ANTXRL: variants seen among roughly 807,000 people sequenced by gnomAD.
The protein encoded by ANTXRL is ANTXR like.
Under a neutral mutation model 75.4 loss-of-function variants are expected in ANTXRL, and 63 were observed. The observed-to-expected ratio is 0.84, with a 90% CI of 0.68 to 1.03. The LOEUF is 1.03. Among genes scored for constraint, ANTXRL ranks in the 50% least tolerant of loss-of-function variants. ANTXRL has a pLI of 0.00. For synonymous variants in ANTXRL, 335 were observed against 291.3 expected (o/e 1.15, Z -1.53); for missense variants, 797 against 789.4 (o/e 1.01, Z -0.12).
At chr10:46,320,241 T>C (rs1374925635) in intron 16 of ANTXRL, among the ~76,000 whole-genome samples, 1 of 152,198 alleles carries the variant, frequency 6.6e-6, no homozygotes, top group Non-Finnish European at 1.5e-5. Context: ...GGGCTCACTC[T>C]TGCTGGTAGT....
intron 16 of ANTXRL, among the ~76,000 whole-genome samples, chr10:46,324,566 C>T (rs1199924760): frequency 1.3e-5 from 2 of 152,116 alleles, no homozygotes; most frequent in South Asian, 2.1e-4. Context: ...AAATCTCCTA[C>T]AATTGTTGAG....
At chr10:46,326,196 G>C (rs1342908777) in intron 16 of ANTXRL, among the ~76,000 whole-genome samples, 3 of 152,012 alleles carry the variant, frequency 2.0e-5, no homozygotes, top group Non-Finnish European at 4.4e-5. Flanking sequence ...ATAGCTGTGA[G>C]TAGAGATGGA....
intron 1 of ANTXRL, 43 bp downstream of exon 1, chr10:46,287,553 G>T: frequency 6.6e-7 from 1 of 1,506,774 alleles, no homozygotes; most frequent in South Asian, 1.3e-5. Context: ...ACCCTCAGGA[G>T]CCACTGTCTC....
intron 11 of ANTXRL, 85 bp downstream of exon 11, chr10:46,306,957 C>T (rs559614668): frequency 6.1e-6 from 7 of 1,142,304 alleles, no homozygotes; most frequent in South Asian, 4.7e-5. Context: ...TGTGGATGCC[C>T]CCCACCCCCT....
chr10:46,296,449 CTG>C (rs1201820312), intron 5 of ANTXRL, among the ~76,000 whole-genome samples, 197 bp downstream of exon 5: 1 of 152,186 alleles, frequency 6.6e-6, no homozygotes, highest in Admixed American at 6.5e-5. Flanking sequence ...GTTCTGAGAA[CTG>C]TGTGGGATCC....
intron 3 of ANTXRL, among the ~76,000 whole-genome samples, chr10:46,294,836 A>G (rs1837270582): frequency 6.6e-6 from 1 of 151,632 alleles, no homozygotes; most frequent in Admixed American, 6.6e-5. Flanking sequence ...TGGGCTGGGC[A>G]GGCAGGGCTC....
intron 3 of ANTXRL, 117 bp from the exon 4 acceptor site, chr10:46,295,902 G>C (rs35544747): frequency 0.68 from 560,734 of 823,042 alleles, 188,322 homozygotes; most frequent in Non-Finnish European, 0.71. Flanking sequence ...CCTTGCCTGG[G>C]CCCCTCCTTC....
intron 7 of ANTXRL, 94 bp downstream of exon 7, chr10:46,297,568 C>T: frequency 1.5e-6 from 2 of 1,323,480 alleles, no homozygotes; most frequent in Non-Finnish European, 2.1e-6. Context: ...GTTGTCTAAG[C>T]TGCCCCAAGT....
intron 16 of ANTXRL, among the ~76,000 whole-genome samples, chr10:46,316,211 G>A (rs7075457): frequency 0.046 from 6,919 of 151,958 alleles, 529 homozygotes; most frequent in African/African-American, 0.16. Flanking sequence ...AGTTTAATTC[G>A]TGTGCGCACC....
chr10:46,287,100 A>C lies in ANTXRL; in HGVS notation c.-163A>C. ...TGACCCTAGTCCCTGCGATCTGGGG[A>C]GGTACCTGGTGGAGGGCCATAGTGT... is the stretch of plus-strand genomic sequence containing the variant. On this transcript the variant is annotated 5_prime_UTR_variant, in exon 1 of 17. Transcript: ENST00000620264. 18 of 857,594 alleles carry C rather than the reference A, an allele frequency of 2.1e-5. No homozygotes were observed. Among genetic ancestry groups the C allele is most frequent in the Non-Finnish European group, 2.4e-5 (14 of 573,922 alleles). The allele number at this position is 857,594 out of a possible 1,614,324, so 53.1% of individuals were successfully genotyped here. A position where few individuals can be genotyped will look rare whatever the true frequency, so the allele number is the denominator to read the frequency against.
At chr10:46,288,344 G>A (rs1554955750) in intron 1 of ANTXRL, among the ~76,000 whole-genome samples, 1 of 152,056 alleles carries the variant, frequency 6.6e-6, no homozygotes, top group Non-Finnish European at 1.5e-5. Context: ...TTTCTATCTG[G>A]TTCCTGGACA....
At chr10:46,314,151 G>T (rs1473556373) in intron 16 of ANTXRL, among the ~76,000 whole-genome samples, 1 of 152,186 alleles carries the variant, frequency 6.6e-6, no homozygotes, top group Non-Finnish European at 1.5e-5. Context: ...GGCTGTGCAT[G>T]GACAAGGCCT....
intron 5 of ANTXRL, among the ~76,000 whole-genome samples, chr10:46,296,898 G>A (rs1195666318): frequency 6.6e-6 from 1 of 152,170 alleles, no homozygotes; most frequent in Admixed American, 6.5e-5. Context: ...TCCTCCCTCT[G>A]CCCGTGGGAC....
At chr10:46,316,426 A>G (rs745698085) in intron 16 of ANTXRL, among the ~76,000 whole-genome samples, 2 of 152,282 alleles carry the variant, frequency 1.3e-5, no homozygotes, top group East Asian at 1.9e-4. Context: ...TCACACAGCC[A>G]GGAAGCAATA....
rs113015088 is a variant in ANTXRL at position 46,316,542 on chromosome 10, G to A, written c.1410+3226G>A. 9.1e-3 allele frequency among the ~76,000 whole-genome samples: 1,383 copies of A among 152,106 alleles called. 34 individuals carry two copies. The highest frequency in any genetic ancestry group is 0.032 in the African/African-American group (1,313 of 41,456). On this transcript the variant is annotated intron_variant, in intron 16 of 16. Transcript: ENST00000620264. ...TCTGCATTTCAGAGCTGTGGACACC[G>A]AAGCTCTGATGTTTAGTGATGGGCT...
In ANTXRL at chr10:46,295,903, C is replaced by T. The variant is rs1837349234; in HGVS notation, c.393-116C>T. ...GAGGAGGACAAAGCCCTTGCCTGGGCCCCTCCTTCATCCAGGAGGACTGGC... is the reference window on the plus strand; with the variant it reads ...GAGGAGGACAAAGCCCTTGCCTGGGTCCCTCCTTCATCCAGGAGGACTGGC... On this transcript the variant is annotated intron_variant, in intron 3 of 16. Transcript: ENST00000620264. The T allele has an allele frequency of 1.3e-5, 11 of 839,264 alleles. No individual in the cohort carries two copies. In the South Asian group the frequency reaches 1.6e-4, roughly 12 times the overall value. 52.0% of individuals were successfully genotyped at this position (839,264 alleles called of 1,614,324 possible).
At chr10:46,289,689 A>C (rs1164482905) in intron 1 of ANTXRL, among the ~76,000 whole-genome samples, 3 of 152,112 alleles carry the variant, frequency 2.0e-5, no homozygotes, top group African/African-American at 7.2e-5. Context: ...AGATTACACC[A>C]CTGCACTCCA....
intron 9 of ANTXRL, among the ~76,000 whole-genome samples, chr10:46,298,295 A>T (rs554659992): frequency 2.4e-4 from 37 of 151,494 alleles, no homozygotes; most frequent in African/African-American, 8.7e-4. Flanking sequence ...GGGAGGCTTG[A>T]TGTGTGTGAA....
In ANTXRL at chr10:46,297,251, G is replaced by C. The variant is rs782324549; in HGVS notation, c.509-1G>C. 5.1e-5 allele frequency: 78 copies of C among 1,536,240 alleles called. No individual in the cohort carries two copies. The highest frequency in any genetic ancestry group is 6.5e-5 in the Non-Finnish European group (75 of 1,146,816). On this transcript the variant is annotated splice_acceptor_variant, in intron 5 of 16. Transcript: ENST00000620264. LOFTEE classifies it high-confidence loss of function. The stretch of plus-strand genomic sequence containing the variant: ...CAGGCCACTCTTTGCTTCTTCTACA[G>C]ACAAGGTTCCCAGCATGATTATTGC...
Sources: gnomAD v4.1 joint callset for allele counts (sites outside exome capture counted in the v4.1 genomes callset) on GRCh38, gnomAD v4.1.1 for gene constraint, MANE v1.5 for transcripts, NCBI Gene and HGNC (gene_info 2026-07-23, HGNC 2026-07-21) for gene names.